PKD1: variants seen among roughly 807,000 people sequenced by gnomAD.
The protein encoded by PKD1 is polycystin-1.
PKD1 carries 81 observed loss-of-function variants against 361.7 expected under a neutral mutation model. That is an observed-to-expected ratio of 0.22 (90% CI 0.19 to 0.27). The LOEUF (loss-of-function observed/expected upper bound fraction) is 0.27. PKD1 is among the 10% of genes least tolerant of loss of function. The pLI is 1.00. For missense variants in PKD1, 6,399 were observed against 6,118.3 expected (o/e 1.05, Z -1.53); for synonymous variants, 3,615 against 2,818.3 (o/e 1.28, Z -8.95).
rs770836714 is a variant in PKD1 at position 2,111,399 on chromosome 16, C to T, written c.3768G>A (p.Pro1256=). The part of the protein sequence containing the change: ...DMGDGTVLSG[P]EATVEHVYLR... ...GGTACACATGCTCCACTGTTGCCTC[C>T]GGGCCCGACAGCACGGTGCCGTCCC... The change falls in exon 15 of 46, where the codon CCG becomes CCA. Residue 1256 remains proline, a synonymous_variant. Coordinates refer to ENST00000262304, the MANE Select transcript of PKD1 (RefSeq NM_001009944.3). 1.2e-5 allele frequency: 19 copies of T among 1,611,524 alleles called. No homozygotes were observed. Among genetic ancestry groups the T allele is most frequent in the Admixed American group, 5.0e-5 (3 of 59,950 alleles).
intron 10 of PKD1, 177 bp from the exon 11 acceptor site, chr16:2,115,102 G>A (rs533736040): frequency 8.3e-4 from 812 of 983,742 alleles, no homozygotes; most frequent in East Asian, 1.4e-3. Flanking sequence ...GGGGACACAC[G>A]GGGAGAGGAC....
At position 2,108,789 on chromosome 16, in the gene PKD1, G is replaced by T; in HGVS notation, c.6378C>A (p.Ala2126=). ...RPGDYRVQVN[A]SNLVSFFVAQ... ...CCACGAAGAAGCTCACCAGGTTGGA[G>T]GCGTTCACCTGCACGCGGTAGTCCC... Residue 2126 remains alanine (A), a synonymous_variant, in exon 15 of 46, where the codon GCC becomes GCA. Coordinates refer to ENST00000262304, the MANE Select transcript of PKD1 (RefSeq NM_001009944.3). 1 of 1,570,452 alleles carries T rather than the reference G, an allele frequency of 6.4e-7. No individual in the cohort carries two copies. The highest frequency in any genetic ancestry group is 8.6e-7 in the Non-Finnish European group (1 of 1,159,060).
At chr16:2,111,941 C>T (rs1358988929) in intron 14 of PKD1, 70 bp from the exon 15 acceptor site, 7 of 1,554,692 alleles carry the variant, frequency 4.5e-6, no homozygotes, top group Admixed American at 3.5e-5. Context: ...GGCAGAAGCC[C>T]CCCGCCTGAG....
chr16:2,104,784 C>T lies in PKD1; in HGVS notation c.8017-142G>A, dbSNP rs2092270303. The T allele has an allele frequency of 7.6e-5, 60 of 789,212 alleles. No homozygotes were observed. In the South Asian group the frequency reaches 9.2e-4, roughly 12 times the overall value. 48.9% of individuals were successfully genotyped at this position (789,212 alleles called of 1,614,324 possible). A position where few individuals can be genotyped will look rare whatever the true frequency, so the allele number is the denominator to read the frequency against. On this transcript the variant is annotated intron_variant, in intron 21 of 45. Transcript: ENST00000262304. ...CTTGACTGGACCCCCACAGCCTCCT[C>T]ACTAAGCATTTTCTGTGGCTCTGCA... is the stretch of plus-strand genomic sequence containing the variant.
intron 37 of PKD1, 57 bp from the exon 38 acceptor site, chr16:2,093,150 G>T (rs1001112779): frequency 1.9e-6 from 3 of 1,601,300 alleles, no homozygotes; most frequent in African/African-American, 1.3e-5. Flanking sequence ...TGACAGCAGG[G>T]CTTTGGCAAC....
At position 2,105,935 on chromosome 16, in the gene PKD1, C is replaced by T; in HGVS notation, c.7793G>A (p.Gly2598Glu). 6.3e-7 allele frequency: 1 copy of T among 1,598,120 alleles called. No individual in the cohort carries two copies. The highest frequency in any genetic ancestry group is 8.5e-7 in the Non-Finnish European group (1 of 1,179,648). Residue 2598 changes from glycine to glutamate, a missense_variant, in exon 20 of 46, where the codon GGG becomes GAG. Transcript: ENST00000262304. ...LHGLTASVLP[G>E]LLRQADPQHV... ...CTGGGGATCGGCCTGCCGCAGCAGC[C>T]CTGGGAGCACACTAGCGGTGAGCCC... is the stretch of plus-strand genomic sequence containing the variant.
In PKD1 at chr16:2,093,102, CG is replaced by C; in HGVS notation, c.11017-10del. 3.7e-6 allele frequency: 6 copies of C among 1,611,716 alleles called. No homozygotes were observed. The highest frequency in any genetic ancestry group is 3.3e-5 in the South Asian group (3 of 91,042). On this transcript the variant is annotated splice_polypyrimidine_tract_variant and intron_variant, in intron 37 of 45. Transcript: ENST00000262304. ...ATGTACACCAGGAGGCTCTGGTGGA[CG>C]GGGGGGCCCTGTGGTCAGCCTGGCC...
chr16:2,107,249 G>A (rs1337587414), intron 16 of PKD1: 1 of 458,320 alleles, frequency 2.2e-6, no homozygotes, highest in East Asian at 4.2e-5. Context: ...TGTGAGAAGA[G>A]ACGTATGTGT....
chr16:2,130,380 G>A (rs1212110349), intron 1 of PKD1, among the ~76,000 whole-genome samples: 3 of 152,164 alleles, frequency 2.0e-5, no homozygotes, highest in African/African-American at 7.2e-5. Flanking sequence ...GCTCCCTGTG[G>A]GAGCTTTGAA....
chr16:2,090,833 T>G (rs748581035), intron 43 of PKD1, 25 bp from the exon 44 acceptor site: 1 of 1,611,578 alleles, frequency 6.2e-7, no homozygotes, highest in Admixed American at 1.7e-5. Context: ...TCTGTCTGCT[T>G]GCAGCCCTGG....
chr16:2,089,338 A>C lies in PKD1; in HGVS notation c.*389T>G. 1 of 318,838 alleles carries C rather than the reference A, an allele frequency of 3.1e-6. No homozygotes were observed. Among genetic ancestry groups the C allele is most frequent in the East Asian group, 6.5e-5 (1 of 15,362 alleles). 19.8% of individuals were successfully genotyped at this position (318,838 alleles called of 1,614,324 possible). On this transcript the variant is annotated 3_prime_UTR_variant, in exon 46 of 46. Coordinates refer to ENST00000262304, the MANE Select transcript of PKD1 (RefSeq NM_001009944.3). ...GAGTACGGTAGGAACTGGAGAGGTAATAACTTAGGGGCAGGGTGGCGGCGG... is the reference window on the plus strand; with the variant it reads ...GAGTACGGTAGGAACTGGAGAGGTACTAACTTAGGGGCAGGGTGGCGGCGG...
At chr16:2,094,601 T>C in intron 34 of PKD1, 2 of 323,736 alleles carry the variant, frequency 6.2e-6, no homozygotes, top group South Asian at 6.0e-5. Flanking sequence ...CGCCAGTGTG[T>C]CTGTCCCATG....
rs1053648230 is a variant in PKD1 at position 2,089,595 on chromosome 16, G to GAC, written c.*131_*132insGT. On this transcript the variant is annotated 3_prime_UTR_variant, in exon 46 of 46. Coordinates refer to ENST00000262304, the MANE Select transcript of PKD1 (RefSeq NM_001009944.3). Reference sequence around the variant, plus strand: ...AAGTGCTGAAGCCCACAGACAGACAGATGCCCCTGCCTGCTCTCTGGGGAA... The same window carrying GAC: ...AAGTGCTGAAGCCCACAGACAGACAGACATGCCCCTGCCTGCTCTCTGGGGAA... 2.1e-5 allele frequency: 24 copies of GAC among 1,149,100 alleles called. No homozygotes were observed. Among genetic ancestry groups the GAC allele is most frequent in the Non-Finnish European group, 2.7e-5 (22 of 805,100 alleles). The allele number at this position is 1,149,100 out of a possible 1,614,324, so 71.2% of individuals were successfully genotyped here.
At position 2,112,898 on chromosome 16, in the gene PKD1, G is replaced by C. The variant is rs550771734; in HGVS notation, c.3051C>G (p.Asn1017Lys). The part of the protein sequence containing the change: ...VNYNVTVERM[N>K]RMQGLQVSTV... ...TGGAGACCTGCAGACCCTGCATCCTGTTCATCCGCTCCACGGTTACGTTGT... is the reference window on the plus strand; with the variant it reads ...TGGAGACCTGCAGACCCTGCATCCTCTTCATCCGCTCCACGGTTACGTTGT... The change falls in exon 13 of 46, where the codon AAC becomes AAG. Residue 1017 changes from asparagine to lysine, a missense_variant. Transcript: ENST00000262304. The C allele has an allele frequency of 6.2e-7, 1 of 1,606,960 alleles. No homozygotes were observed. Among genetic ancestry groups the C allele is most frequent in the Non-Finnish European group, 8.5e-7 (1 of 1,179,746 alleles).
chr16:2,121,207 A>G (rs566977160), intron 1 of PKD1, among the ~76,000 whole-genome samples: 5 of 151,292 alleles, frequency 3.3e-5, no homozygotes, highest in African/African-American at 1.2e-4. Context: ...CTCTACCAAA[A>G]CTACAGAATT....
chr16:2,105,670 G>A (rs1293616263), intron 20 of PKD1, 195 bp downstream of exon 20: 5 of 1,403,842 alleles, frequency 3.6e-6, no homozygotes, highest in South Asian at 1.3e-5. Context: ...GGGCTGCATT[G>A]TGGAAAGCAG....
In PKD1 at chr16:2,088,830, G is replaced by C. The variant is rs563951265; in HGVS notation, c.*897C>G. The stretch of plus-strand genomic sequence containing the variant: ...CACAGAAGCAGGCACAGCCAGCTCC[G>C]AGGGCCTTGAGGCTGCCTGGGCCAT... On this transcript the variant is annotated 3_prime_UTR_variant, in exon 46 of 46. Coordinates refer to ENST00000262304, the MANE Select transcript of PKD1 (RefSeq NM_001009944.3). 5.3e-5 allele frequency: 33 copies of C among 618,712 alleles called. No individual in the cohort carries two copies. The highest frequency in any genetic ancestry group is 9.0e-5 in the Admixed American group (3 of 33,304). The allele number at this position is 618,712 out of a possible 1,614,324, so 38.3% of individuals were successfully genotyped here. A position where few individuals can be genotyped will look rare whatever the true frequency, so the allele number is the denominator to read the frequency against.
chr16:2,114,596 G>A lies in PKD1; in HGVS notation c.2427C>T (p.His809=). The change falls in exon 11 of 46, where the codon CAC becomes CAT. Residue 809 remains histidine, a synonymous_variant. Transcript: ENST00000262304. ...RAEVGNGVSR[H]NLSCSFDVVS... ...CCACGTCAAAGCTGCAGGAGAGGTTGTGCCTGGACACGCCATTGCCCACCT... is the reference window on the plus strand; with the variant it reads ...CCACGTCAAAGCTGCAGGAGAGGTTATGCCTGGACACGCCATTGCCCACCT... The A allele has an allele frequency of 1.3e-6, 2 of 1,591,268 alleles. No homozygotes were observed. The highest frequency in any genetic ancestry group is 1.7e-6 in the Non-Finnish European group (2 of 1,177,474).
intron 41 of PKD1, 49 bp downstream of exon 41, chr16:2,091,732 G>A (rs1431198055): frequency 1.9e-6 from 3 of 1,601,086 alleles, no homozygotes; most frequent in Admixed American, 1.7e-5. Context: ...GTGGGCTCCT[G>A]GCTGGTGACT....
Sources: gnomAD v4.1 joint callset for allele counts (sites outside exome capture counted in the v4.1 genomes callset) on GRCh38, gnomAD v4.1.1 for gene constraint, MANE v1.5 for transcripts, NCBI Gene and HGNC (gene_info 2026-07-23, HGNC 2026-07-21) for gene names.